Variants in ITFG1 observed in about 807,000 individuals in gnomAD.
ITFG1 encodes T-cell immunomodulatory protein.
A neutral mutation model predicts 81.8 loss-of-function variants in ITFG1; 34 were observed. The observed-to-expected ratio is 0.42, with a 90% confidence interval of 0.32 to 0.55. The LOEUF (loss-of-function observed/expected upper bound fraction) is 0.55. Among genes scored for constraint, ITFG1 ranks in the 20% least tolerant of loss-of-function variants. The probability of loss-of-function intolerance (pLI) is 0.17; values close to 1 mark genes in which losing one functional copy is unlikely to be tolerated. For synonymous variants in ITFG1, 285 were observed against 270.6 expected (o/e 1.05, Z -0.52); for missense variants, 672 against 755.4 (o/e 0.89, Z 1.29).
At chr16:47,156,085 AT>A (rs1964699773) in intron 17 of ITFG1, among the ~76,000 whole-genome samples, 1 of 152,250 alleles carries the variant, frequency 6.6e-6, no homozygotes, top group South Asian at 2.1e-4. Context: ...ATTAGATTCT[AT>A]AAGGATGAAT....
At chr16:47,288,359 G>A (rs375239792) in intron 10 of ITFG1, among the ~76,000 whole-genome samples, 1 of 152,140 alleles carries the variant, frequency 6.6e-6, no homozygotes, top group Non-Finnish European at 1.5e-5. Flanking sequence ...GAATAGTTAG[G>A]TTCATTTAAT....
chr16:47,459,210 T>C lies in ITFG1; in HGVS notation c.209-35A>G, dbSNP rs200487491. 421 of 1,366,974 alleles carry C rather than the reference T, an allele frequency of 3.1e-4. 1 individual carries two copies. The highest frequency in any genetic ancestry group is 4.2e-4 in the Non-Finnish European group (402 of 956,786). 84.7% of individuals were successfully genotyped at this position (1,366,974 alleles called of 1,614,324 possible). ...ACAAATATATGATATTAGAAAAATG[T>C]TTGTTGATAAGATATCTAATCAGTG... On this transcript the variant is annotated intron_variant, in intron 1 of 17. Coordinates refer to ENST00000320640, the MANE Select transcript of ITFG1 (RefSeq NM_030790.5).
At chr16:47,176,364 A>G (rs769412078) in intron 14 of ITFG1, among the ~76,000 whole-genome samples, 9 of 150,348 alleles carry the variant, frequency 6.0e-5, no homozygotes, top group Non-Finnish European at 8.9e-5. Flanking sequence ...ATAAAAGACA[A>G]TTTTTTTTTT....
chr16:47,310,352 G>GT (rs1395165271), intron 10 of ITFG1, among the ~76,000 whole-genome samples: 1 of 152,134 alleles, frequency 6.6e-6, no homozygotes, highest in African/African-American at 2.4e-5. Context: ...TGAATCATTA[G>GT]TAATTCTAGC....
At position 47,365,939 on chromosome 16, in the gene ITFG1, T is replaced by G. The variant is rs570181104; in HGVS notation, c.721-70A>C. ...CATTTGTTAAGTGTAAAACAAAGCA[T>G]TCTAACTGAACTGGGGAAATAAATA... On this transcript the variant is annotated intron_variant, in intron 7 of 17. Coordinates refer to ENST00000320640, the MANE Select transcript of ITFG1 (RefSeq NM_030790.5). 466 of 812,712 alleles carry G rather than the reference T, an allele frequency of 5.7e-4. 10 individuals carry two copies. In the South Asian group the frequency reaches 6.6e-3, roughly 11 times the overall value. 50.3% of individuals were successfully genotyped at this position (812,712 alleles called of 1,614,324 possible).
rs755678424 is a variant in ITFG1, at chr16:47,428,654, T to A, written c.655+150A>T. On this transcript the variant is annotated intron_variant, in intron 6 of 17. Transcript: ENST00000320640. Reference sequence around the variant, plus strand: ...CTTATTTATTACAGTCAGTACTTTTTCCATGTTTCCAAATCACTGACTTTC... The same window carrying A: ...CTTATTTATTACAGTCAGTACTTTTACCATGTTTCCAAATCACTGACTTTC... 110 of 630,048 alleles carry A rather than the reference T, an allele frequency of 1.7e-4. 1 individual carries two copies. The highest frequency in any genetic ancestry group is 2.7e-4 in the Non-Finnish European group (97 of 362,144). 39.0% of individuals were successfully genotyped at this position (630,048 alleles called of 1,614,324 possible).
intron 5 of ITFG1, among the ~76,000 whole-genome samples, chr16:47,438,584 T>G (rs907132170): frequency 1.3e-5 from 2 of 152,052 alleles, no homozygotes; most frequent in East Asian, 3.9e-4. Flanking sequence ...GGGTCTGGAG[T>G]GGACCTCTAG....
At chr16:47,296,593 G>A (rs1362384561) in intron 10 of ITFG1, among the ~76,000 whole-genome samples, 4 of 152,036 alleles carry the variant, frequency 2.6e-5, no homozygotes, top group African/African-American at 7.2e-5. Flanking sequence ...ACGCCATCAC[G>A]TCCAGTTAAT....
At chr16:47,155,907 A>G (rs1470504946) in intron 17 of ITFG1, 129 bp from the exon 18 acceptor site, 4 of 610,608 alleles carry the variant, frequency 6.6e-6, no homozygotes, top group African/African-American at 1.9e-5. Flanking sequence ...TGATTTCCTA[A>G]TTCAACAGTC....
chr16:47,345,814 T>C (rs998283765), intron 8 of ITFG1, among the ~76,000 whole-genome samples: 1 of 152,180 alleles, frequency 6.6e-6, no homozygotes, highest in Non-Finnish European at 1.5e-5. Flanking sequence ...CCATTGTATA[T>C]GCGGTCCGTG....
At chr16:47,377,678 T>G (rs1968344474) in intron 6 of ITFG1, among the ~76,000 whole-genome samples, 1 of 152,166 alleles carries the variant, frequency 6.6e-6, no homozygotes, top group Non-Finnish European at 1.5e-5. Context: ...TTCCTCTCCC[T>G]AGACATAGCT....
intron 5 of ITFG1, 71 bp downstream of exon 5, chr16:47,451,325 T>C (rs1969385707): frequency 2.4e-6 from 2 of 822,206 alleles, no homozygotes; most frequent in African/African-American, 3.4e-5. Context: ...CAATGAGCTA[T>C]TTTTTCTCCA....
chr16:47,411,219 G>C (rs867445623), intron 6 of ITFG1, among the ~76,000 whole-genome samples: 1 of 152,134 alleles, frequency 6.6e-6, no homozygotes, highest in African/African-American at 2.4e-5. Context: ...ACAGATTTGT[G>C]GACTGGCATG....
chr16:47,448,515 A>G (rs577361964), intron 5 of ITFG1: 5 of 152,080 alleles, frequency 3.3e-5, no homozygotes, highest in Admixed American at 1.3e-4. Flanking sequence ...GGCAAAGTAT[A>G]TATCTGTCAC....
intron 14 of ITFG1, among the ~76,000 whole-genome samples, chr16:47,211,943 T>C (rs982298034): frequency 3.3e-5 from 5 of 151,742 alleles, no homozygotes; most frequent in African/African-American, 1.2e-4. Flanking sequence ...TTTTTTTTGG[T>C]AGAGAAGGGG....
chr16:47,412,537 G>GA (rs1187162428), intron 6 of ITFG1, among the ~76,000 whole-genome samples: 1 of 151,212 alleles, frequency 6.6e-6, no homozygotes, highest in South Asian at 2.1e-4. Context: ...TAAAAAAAAA[G>GA]AAAAAAAATA....
At chr16:47,192,126 A>G (rs1965300579) in intron 14 of ITFG1, among the ~76,000 whole-genome samples, 1 of 152,220 alleles carries the variant, frequency 6.6e-6, no homozygotes, top group Non-Finnish European at 1.5e-5. Flanking sequence ...AGTCTTTGCC[A>G]TAACTGAGTC....
intron 8 of ITFG1, among the ~76,000 whole-genome samples, chr16:47,363,460 C>A (rs969674041): frequency 9.9e-5 from 15 of 152,020 alleles, no homozygotes; most frequent in African/African-American, 3.4e-4. Context: ...GCCTTGACCC[C>A]CTGTGCTCAA....
At chr16:47,300,926 C>G (rs753976559) in intron 10 of ITFG1, among the ~76,000 whole-genome samples, 12 of 152,182 alleles carry the variant, frequency 7.9e-5, no homozygotes, top group Non-Finnish European at 1.2e-4. Context: ...CCACTCAATT[C>G]TACTACTAAG....
Sources: gnomAD v4.1 joint callset for allele counts (sites outside exome capture counted in the v4.1 genomes callset) on GRCh38, gnomAD v4.1.1 for gene constraint, MANE v1.5 for transcripts, NCBI Gene and HGNC (gene_info 2026-07-23, HGNC 2026-07-21) for gene names.